ACVR1: variants seen among roughly 807,000 people sequenced by gnomAD.
ACVR1 encodes activin A receptor type 1, also known as activin receptor type-1.
ACVR1 carries 38 observed loss-of-function variants against 57.1 expected under a neutral mutation model. The ratio of observed to expected loss-of-function variants is 0.67; its 90% CI spans 0.51 to 0.87. The LOEUF (loss-of-function observed/expected upper bound fraction) is 0.87, where lower values mean the gene tolerates loss of function less well. ACVR1 is among the 40% of genes least tolerant of loss of function. The probability of loss-of-function intolerance (pLI) is 0.00; values close to 1 mark genes in which losing one functional copy is unlikely to be tolerated. For synonymous variants in ACVR1, 212 were observed against 228.1 expected, an observed-to-expected ratio of 0.93 and a Z score of 0.63; for missense variants, 463 against 638.2, an observed-to-expected ratio of 0.73 and a Z score of 2.96.
At chr2:157,810,041 A>G (rs1687698712) in intron 2 of ACVR1, among the ~76,000 whole-genome samples, 1 of 152,168 alleles carries the variant, frequency 6.6e-6, no homozygotes, top group African/African-American at 2.4e-5. Flanking sequence ...ATGCCACTGT[A>G]CTCCAGACTA....
chr2:157,750,724 T>A (rs912519839), intron 9 of ACVR1, among the ~76,000 whole-genome samples: 2 of 151,408 alleles, frequency 1.3e-5, no homozygotes, highest in Non-Finnish European at 2.9e-5. Context: ...AGGAACACAA[T>A]AAGTCTCCAG....
intron 1 of ACVR1, among the ~76,000 whole-genome samples, chr2:157,872,475 C>G (rs1453887380): frequency 6.6e-6 from 1 of 152,182 alleles, no homozygotes; most frequent in African/African-American, 2.4e-5. Context: ...CAGCCTGTGT[C>G]TCCCATAACT....
chr2:157,755,271 C>A (rs1234638367), intron 9 of ACVR1, among the ~76,000 whole-genome samples: 4 of 152,028 alleles, frequency 2.6e-5, no homozygotes, highest in Admixed American at 6.6e-5. Flanking sequence ...AGCAATCAGA[C>A]AAGACAAAGA....
Position 157,789,969 on chromosome 2 carries a change from T to C in ACVR1, c.68-9369A>G, listed in dbSNP as rs542920423. On this transcript the variant is annotated intron_variant, in intron 3 of 10. Transcript: ENST00000434821. ...CTGTAAGGAGAACAATATGAAGTCTTCAGGCACATACTGTACATACGTAGC... is the reference window on the plus strand; with the variant it reads ...CTGTAAGGAGAACAATATGAAGTCTCCAGGCACATACTGTACATACGTAGC... 5.3e-5 allele frequency among the ~76,000 whole-genome samples: 8 copies of C among 152,322 alleles called. No individual in the cohort carries two copies. The South Asian group carries it at 1.7e-3, about 32-fold the overall frequency.
At chr2:157,790,311 C>T (rs539388426) in intron 3 of ACVR1, 1 of 152,316 alleles carries the variant, frequency 6.6e-6, no homozygotes, top group African/African-American at 2.4e-5. Context: ...GAGACATACA[C>T]CTTCACAGCT....
intron 3 of ACVR1, among the ~76,000 whole-genome samples, chr2:157,781,695 T>C (rs986217524): frequency 1.1e-4 from 16 of 152,228 alleles, no homozygotes; most frequent in Non-Finnish European, 2.2e-4. Flanking sequence ...GCACATCTAA[T>C]CACTCTGCTT....
At chr2:157,870,251 T>C (rs543109628) in intron 1 of ACVR1, among the ~76,000 whole-genome samples, 2 of 101,346 alleles carry the variant, frequency 2.0e-5, no homozygotes, top group East Asian at 6.1e-4. Context: ...CCTCTGTACA[T>C]TTCTAAAGTT....
intron 1 of ACVR1, among the ~76,000 whole-genome samples, chr2:157,835,209 C>G (rs1688737860): frequency 6.6e-6 from 1 of 152,144 alleles, no homozygotes; most frequent in Non-Finnish European, 1.5e-5. Context: ...CCCTTCCTCC[C>G]CTACACTGTG....
At chr2:157,846,566 T>C (rs1443391938) in intron 1 of ACVR1, among the ~76,000 whole-genome samples, 2 of 152,188 alleles carry the variant, frequency 1.3e-5, no homozygotes, top group Non-Finnish European at 2.9e-5. Flanking sequence ...AACTAAACAT[T>C]ATAACCTACA....
chr2:157,758,289 C>T (rs963674850), intron 9 of ACVR1, among the ~76,000 whole-genome samples: 1 of 151,982 alleles, frequency 6.6e-6, no homozygotes, highest in Non-Finnish European at 1.5e-5. Flanking sequence ...GTTCCAAGAC[C>T]CCAGTCTAAA....
intron 3 of ACVR1, among the ~76,000 whole-genome samples, chr2:157,791,232 T>C (rs1314086497): frequency 1.3e-5 from 2 of 152,192 alleles, no homozygotes; most frequent in Admixed American, 6.5e-5. Flanking sequence ...ACGTCACCAA[T>C]GCCTACCAGT....
At chr2:157,763,927 G>A (rs1175713067) in intron 8 of ACVR1, among the ~76,000 whole-genome samples, 2 of 152,112 alleles carry the variant, frequency 1.3e-5, no homozygotes, top group Admixed American at 1.3e-4. Context: ...AAGGTTACAA[G>A]CCAAAAGAAA....
intron 1 of ACVR1, chr2:157,874,872 C>T (rs1690229816): frequency 6.6e-6 from 1 of 152,206 alleles, no homozygotes; most frequent in African/African-American, 2.4e-5. Context: ...ACCTTGCTGC[C>T]TCTCTCCAAA....
chr2:157,820,833 G>A (rs1056114259), intron 1 of ACVR1, among the ~76,000 whole-genome samples: 1 of 151,988 alleles, frequency 6.6e-6, no homozygotes, highest in Non-Finnish European at 1.5e-5. Context: ...TCAAAACTAG[G>A]TAAAGATCAC....
intron 3 of ACVR1, among the ~76,000 whole-genome samples, chr2:157,798,546 G>A (rs974983671): frequency 6.6e-6 from 1 of 150,928 alleles, no homozygotes; most frequent in Admixed American, 6.6e-5. Flanking sequence ...GTGGGGGTTT[G>A]AGATGGAATC....
chr2:157,764,656 G>A (rs1038045694), intron 8 of ACVR1, among the ~76,000 whole-genome samples: 1 of 151,968 alleles, frequency 6.6e-6, no homozygotes, highest in Non-Finnish European at 1.5e-5. Flanking sequence ...TCAGCACTTG[G>A]GCCAGGTAAA....
chr2:157,741,002 C>T (rs1684735920), intron 9 of ACVR1, among the ~76,000 whole-genome samples: 1 of 152,150 alleles, frequency 6.6e-6, no homozygotes, highest in Non-Finnish European at 1.5e-5. Context: ...CGAACTCCCT[C>T]TGATCAAGCA....
At chr2:157,763,869 A>G (rs1685757435) in intron 8 of ACVR1, among the ~76,000 whole-genome samples, 2 of 152,220 alleles carry the variant, frequency 1.3e-5, no homozygotes, top group African/African-American at 4.8e-5. Context: ...CATATCCTGA[A>G]TAATAACGCC....
chr2:157,828,144 G>C (rs933310350), intron 1 of ACVR1, among the ~76,000 whole-genome samples: 1 of 151,832 alleles, frequency 6.6e-6, no homozygotes, highest in Admixed American at 6.6e-5. Flanking sequence ...GCAAAACCTC[G>C]TCTCTACAAA....
Sources: gnomAD v4.1 joint callset for allele counts (sites outside exome capture counted in the v4.1 genomes callset) on GRCh38, gnomAD v4.1.1 for gene constraint, MANE v1.5 for transcripts, NCBI Gene and HGNC (gene_info 2026-07-23, HGNC 2026-07-21) for gene names.